The following CHD6 variants were observed in gnomAD, a reference collection of about 807,000 sequenced individuals.
The protein encoded by CHD6 is chromodomain helicase DNA binding protein 6, also known as ATP-dependent chromatin remodeler CHD6.
CHD6 carries 50 observed loss-of-function variants against 276.9 expected under a neutral mutation model. The ratio of observed to expected loss-of-function variants is 0.18; its 90% CI spans 0.14 to 0.23. The LOEUF is 0.23. CHD6 is among the 10% of genes least tolerant of loss of function. The pLI is 1.00. For missense variants in CHD6, 2,564 were observed against 3,365.8 expected (o/e 0.76, Z 5.89); for synonymous variants, 1,173 against 1,229.3 (o/e 0.95, Z 0.96).
intron 1 of CHD6, among the ~76,000 whole-genome samples, chr20:41,588,042 G>C (rs1317758680): frequency 6.6e-6 from 1 of 152,006 alleles, no homozygotes; most frequent in Non-Finnish European, 1.5e-5. Context: ...ATAAAGTAGA[G>C]GCAGGTAGCA....
chr20:41,499,165 C>T, intron 6 of CHD6, 130 bp downstream of exon 6: 1 of 627,658 alleles, frequency 1.6e-6, no homozygotes, highest in East Asian at 2.9e-5. Flanking sequence ...TGTTGGCTAG[C>T]CAGACAATAT....
chr20:41,613,118 A>G (rs2045904715), intron 1 of CHD6, among the ~76,000 whole-genome samples: 1 of 152,228 alleles, frequency 6.6e-6, no homozygotes, highest in Non-Finnish European at 1.5e-5. Flanking sequence ...CAGTCTAAAA[A>G]TAAGCTTTTA....
At chr20:41,530,629 A>G (rs547375261) in intron 3 of CHD6, among the ~76,000 whole-genome samples, 1 of 152,224 alleles carries the variant, frequency 6.6e-6, no homozygotes, top group African/African-American at 2.4e-5. Context: ...GCTTCTGCCT[A>G]CCAGTAGGAT....
chr20:41,494,534 T>C (rs2043633308), intron 8 of CHD6, among the ~76,000 whole-genome samples: 1 of 152,224 alleles, frequency 6.6e-6, no homozygotes, highest in Non-Finnish European at 1.5e-5. Flanking sequence ...AGTACTTTCA[T>C]TTAAGCTCCA....
intron 1 of CHD6, among the ~76,000 whole-genome samples, chr20:41,574,947 C>T (rs1036929478): frequency 3.9e-5 from 6 of 152,150 alleles, no homozygotes; most frequent in African/African-American, 1.2e-4. Flanking sequence ...TTCCATGTGG[C>T]CCAGGGAAAA....
intron 24 of CHD6, among the ~76,000 whole-genome samples, chr20:41,446,965 G>A (rs1279172478): frequency 6.6e-6 from 1 of 152,178 alleles, no homozygotes; most frequent in African/African-American, 2.4e-5. Context: ...GTGGAATTCT[G>A]CTGCATTTAT....
chr20:41,545,824 C>A (rs1308097209), intron 2 of CHD6, among the ~76,000 whole-genome samples: 2 of 152,060 alleles, frequency 1.3e-5, no homozygotes, highest in Admixed American at 1.3e-4. Flanking sequence ...TACTCTCTTC[C>A]CTCCTAAGCT....
chr20:41,558,580 G>A (rs1403887649), intron 1 of CHD6, among the ~76,000 whole-genome samples: 2 of 152,198 alleles, frequency 1.3e-5, no homozygotes, highest in Non-Finnish European at 2.9e-5. Context: ...AGGGTGCCAA[G>A]TTTCAATCAG....
chr20:41,445,906 T>C (rs1254638242), intron 24 of CHD6, 138 bp from the exon 25 acceptor site: 6 of 592,426 alleles, frequency 1.0e-5, no homozygotes, highest in Non-Finnish European at 1.5e-5. Flanking sequence ...TGGGTCATTG[T>C]TTCTCAACCA....
At chr20:41,501,304 A>C (rs1041671828) in intron 5 of CHD6, among the ~76,000 whole-genome samples, 3 of 152,210 alleles carry the variant, frequency 2.0e-5, no homozygotes, top group African/African-American at 7.2e-5. Context: ...CAGAAATCTG[A>C]AGTGTACATC....
intron 25 of CHD6, among the ~76,000 whole-genome samples, chr20:41,445,404 G>A (rs1569085164): frequency 6.6e-6 from 1 of 152,188 alleles, no homozygotes; most frequent in African/African-American, 2.4e-5. Context: ...ATGGACAGGC[G>A]AGGGAGGAAG....
At chr20:41,515,070 G>T in intron 3 of CHD6, 118 bp from the exon 4 acceptor site, 1 of 999,536 alleles carries the variant, frequency 1.0e-6, no homozygotes. Flanking sequence ...GGCTTTAATG[G>T]GGAATCTACA....
chr20:41,493,132 A>G (rs549082201), intron 10 of CHD6, among the ~76,000 whole-genome samples: 48 of 152,324 alleles, frequency 3.2e-4, no homozygotes, highest in African/African-American at 1.1e-3. Context: ...CTTCCACTTA[A>G]TAATATTCCA....
chr20:41,611,480 G>T (rs2045886677), intron 1 of CHD6, among the ~76,000 whole-genome samples: 1 of 152,218 alleles, frequency 6.6e-6, no homozygotes, highest in African/African-American at 2.4e-5. Flanking sequence ...ATAACAGGAG[G>T]TTCTACTGAA....
intron 11 of CHD6, among the ~76,000 whole-genome samples, chr20:41,490,242 A>G (rs539722682): frequency 1.4e-4 from 22 of 152,290 alleles, no homozygotes; most frequent in Non-Finnish European, 2.8e-4. Flanking sequence ...GTCATGTGTC[A>G]CTTAAGGATG....
chr20:41,617,335 C>A (rs1568736523), intron 1 of CHD6, among the ~76,000 whole-genome samples: 1 of 152,158 alleles, frequency 6.6e-6, no homozygotes, highest in Non-Finnish European at 1.5e-5. Flanking sequence ...ACGACTGAAA[C>A]CACAGTCACA....
At chr20:41,433,270 A>G (rs919450834) in intron 27 of CHD6, among the ~76,000 whole-genome samples, 33 of 152,238 alleles carry the variant, frequency 2.2e-4, no homozygotes, top group Admixed American at 7.2e-4. Context: ...AGACGAGTGA[A>G]TTCCAAATAG....
rs558778115 is a variant in CHD6, at chr20:41,551,961, C to G, written c.-23-601G>C. On this transcript the variant is annotated intron_variant, in intron 1 of 36. Coordinates refer to ENST00000373233, the MANE Select transcript of CHD6 (RefSeq NM_032221.5). ...TTACTCTATCCAGGACATAAGCCCCCATCCCCACTGCAACCATAATGTCCT... is the reference window on the plus strand; with the variant it reads ...TTACTCTATCCAGGACATAAGCCCCGATCCCCACTGCAACCATAATGTCCT... 2.0e-4 allele frequency among the ~76,000 whole-genome samples: 30 copies of G among 152,274 alleles called. No individual in the cohort carries two copies. In the East Asian group the frequency reaches 4.8e-3, roughly 24 times the overall value.
At chr20:41,564,245 G>A (rs1277813768) in intron 1 of CHD6, 1 of 575,180 alleles carries the variant, frequency 1.7e-6, no homozygotes, top group Non-Finnish European at 3.1e-6. Context: ...TGATCTAGAT[G>A]ACATTTTCTC....
Sources: gnomAD v4.1 joint callset for allele counts (sites outside exome capture counted in the v4.1 genomes callset) on GRCh38, gnomAD v4.1.1 for gene constraint, MANE v1.5 for transcripts, NCBI Gene and HGNC (gene_info 2026-07-23, HGNC 2026-07-21) for gene names.